The following TPPP variants were observed in gnomAD, a reference collection of about 807,000 sequenced individuals.
TPPP encodes tubulin polymerization promoting protein, also known as tubulin polymerization-promoting protein.
A neutral mutation model predicts 15.5 loss-of-function variants in TPPP; 6 were observed. The observed-to-expected ratio is 0.39, with a 90% CI of 0.21 to 0.77. The LOEUF (loss-of-function observed/expected upper bound fraction) is 0.77, where lower values mean the gene tolerates loss of function less well. Among genes scored for constraint, TPPP ranks in the 30% least tolerant of loss-of-function variants. TPPP has a pLI of 0.42. For missense variants in TPPP, 269 were observed against 307.2 expected, an observed-to-expected ratio of 0.88 and a Z score of 0.93; for synonymous variants, 146 against 133.9, an observed-to-expected ratio of 1.09 and a Z score of -0.63.
At chr5:697,038 TTGTG>T (rs1405246748), upstream of TPPP, among the ~76,000 whole-genome samples, 1 of 142,234 alleles carries the variant, frequency 7.0e-6, no homozygotes, top group Non-Finnish European at 1.6e-5. Context: ...CTGTGTGTCT[TTGTG>T]TGCATGTGTG....
upstream of TPPP, among the ~76,000 whole-genome samples, chr5:694,019 C>G (rs1740971284): frequency 2.2e-5 from 3 of 134,172 alleles, no homozygotes; most frequent in South Asian, 7.8e-4. Context: ...GCCCTTCACG[C>G]AGGAGTGGAG....
the TPPP span, among the ~76,000 whole-genome samples, chr5:698,408 A>G: frequency 6.6e-6 from 1 of 152,186 alleles, no homozygotes; most frequent in South Asian, 2.1e-4. Flanking sequence ...TATTCTACAT[A>G]GAAAACCCTG....
chr5:681,762 T>A (rs1215698856), intron 1 of TPPP, among the ~76,000 whole-genome samples: 4 of 148,572 alleles, frequency 2.7e-5, no homozygotes, highest in African/African-American at 9.9e-5. Flanking sequence ...GTTGTCCAAC[T>A]GGCATCTTCA....
chr5:670,425 A>G (rs1472661450), intron 2 of TPPP, among the ~76,000 whole-genome samples: 1 of 152,100 alleles, frequency 6.6e-6, no homozygotes, highest in East Asian at 1.9e-4. Context: ...CTCTGGGGAA[A>G]CAGCCTCTCC....
At chr5:666,982 G>A (rs1383403819) in intron 2 of TPPP, 2 of 152,200 alleles carry the variant, frequency 1.3e-5, no homozygotes, top group Non-Finnish European at 2.9e-5. Context: ...TGGACAGCGC[G>A]AGAAAGGCTG....
rs371054226 is a variant in TPPP, at chr5:667,918, C to G, written c.312-1795G>C. On this transcript the variant is annotated intron_variant, in intron 2 of 3. Coordinates refer to ENST00000360578, the MANE Select transcript of TPPP (RefSeq NM_007030.3). ...CGTGTGGGCGCCGTCAGGGAAGTAC[C>G]GACAAGCACACAGAGAGGGGGCCGT... Among the ~76,000 whole-genome samples the G allele has an allele frequency of 4.9e-3, 203 of 41,150 alleles. 14 individuals carry two copies. The highest frequency in any genetic ancestry group is 0.024 in the East Asian group (33 of 1,400). The allele number at this position is 41,150 out of a possible 152,430, so 27.0% of individuals were successfully genotyped here. A position where few individuals can be genotyped will look rare whatever the true frequency, so the allele number is the denominator to read the frequency against.
chr5:676,748 CAA>C (rs1442332125), intron 2 of TPPP: 1 of 152,236 alleles, frequency 6.6e-6, no homozygotes, highest in African/African-American at 2.4e-5. Flanking sequence ...AGAAAACAGA[CAA>C]TGCGTGACAC....
intron 2 of TPPP, among the ~76,000 whole-genome samples, chr5:674,870 C>T (rs1376203944): frequency 6.6e-6 from 1 of 150,660 alleles, no homozygotes; most frequent in Admixed American, 6.6e-5. Context: ...CCTGTGGGAG[C>T]TGCCCCTTGC....
chr5:677,529 C>T (rs900707270), intron 2 of TPPP, among the ~76,000 whole-genome samples: 3 of 152,206 alleles, frequency 2.0e-5, no homozygotes, highest in Non-Finnish European at 4.4e-5. Flanking sequence ...CCACTCAGGC[C>T]TCGGCACCGA....
At chr5:694,618 A>G (rs1443768172), upstream of TPPP, among the ~76,000 whole-genome samples, 6 of 78,442 alleles carry the variant, frequency 7.6e-5, no homozygotes, top group African/African-American at 2.1e-4. Context: ...AGTGCTGCCC[A>G]GAGATGGGCT....
In TPPP at chr5:693,320, G is replaced by C. The variant is rs1431570741; in HGVS notation, c.-47C>G. On this transcript the variant is annotated 5_prime_UTR_variant, in exon 1 of 4. Transcript: ENST00000360578. ...TGCAGCGGAGGCGCCTCCGCGACTC[G>C]GCCGCGCGCGACCCGGTGCTCAGCG... The C allele has an allele frequency of 3.3e-5, 5 of 150,354 alleles. No homozygotes were observed. The highest frequency in any genetic ancestry group is 1.3e-4 in the Admixed American group (2 of 15,028). The allele number at this position is 150,354 out of a possible 1,614,324, so 9.3% of individuals were successfully genotyped here.
chr5:676,553 C>CACATA (rs11280783), intron 2 of TPPP: 1 of 152,076 alleles, frequency 6.6e-6, no homozygotes, highest in African/African-American at 2.4e-5. Flanking sequence ...TGAAATACAT[C>CACATA]GGCCACAGGA....
chr5:685,549 AG>A (rs1170886758), intron 1 of TPPP, among the ~76,000 whole-genome samples: 1 of 152,182 alleles, frequency 6.6e-6, no homozygotes, highest in Non-Finnish European at 1.5e-5. Flanking sequence ...CCTTCCGGTA[AG>A]GGGGGCAGGG....
chr5:683,067 T>C (rs57422616), intron 1 of TPPP, among the ~76,000 whole-genome samples: 31,397 of 148,238 alleles, frequency 0.21, 7,466 homozygotes, highest in African/African-American at 0.6. Context: ...CAGGCCAGGG[T>C]GTGACCTCTG....
intron 2 of TPPP, among the ~76,000 whole-genome samples, chr5:673,943 G>A (rs1013645481): frequency 6.6e-5 from 10 of 152,242 alleles, no homozygotes; most frequent in African/African-American, 1.4e-4. Context: ...GTGTGCAGGC[G>A]TGTGTGTGCA....
rs147824661 is a variant in TPPP at position 677,883 on chromosome 5, C to T, written c.178G>A (p.Val60Met). Residue 60 changes from valine to methionine, a missense_variant, in exon 2 of 4, where the codon GTG (valine) becomes ATG (methionine). By Grantham distance (21) the Val-to-Met change is conservative (BLOSUM62 1). Coordinates refer to ENST00000360578, the MANE Select transcript of TPPP (RefSeq NM_007030.3). ...ALEEAFRRFAVHGDARATGRE... is the reference protein window; with the variant it reads ...ALEEAFRRFAMHGDARATGRE... Reference sequence around the variant, plus strand: ...CCGGTGGCCCTGGCGTCCCCGTGCACGGCAAAGCGCCGGAAGGCCTCCTCC... The same window carrying T: ...CCGGTGGCCCTGGCGTCCCCGTGCATGGCAAAGCGCCGGAAGGCCTCCTCC... 2.0e-5 allele frequency: 32 copies of T among 1,612,658 alleles called. 1 individual carries two copies. Among genetic ancestry groups the T allele is most frequent in the Middle Eastern group, 1.6e-4 (1 of 6,084 alleles).
In TPPP at chr5:665,261, C is replaced by T. The variant is rs140456348; in HGVS notation, c.501G>A (p.Thr167=). 5,107 of 1,613,612 alleles carry T rather than the reference C, an allele frequency of 3.2e-3. 157 individuals carry two copies. The Admixed American group carries it at 0.064, about 20-fold the overall frequency. The change falls in exon 4 of 4, where the codon ACG becomes ACA. Residue 167 remains threonine (T), a synonymous_variant. Coordinates refer to ENST00000360578, the MANE Select transcript of TPPP (RefSeq NM_007030.3). ...GGGAGCCCGTGAACTTGGTGGTGTCCGTGAGCCTCGACACTGTGGGCGACG... is the reference window on the plus strand; with the variant it reads ...GGGAGCCCGTGAACTTGGTGGTGTCTGTGAGCCTCGACACTGTGGGCGACG... ...AISSPTVSRL[T]DTTKFTGSHK... is the part of the protein sequence containing the mutation.
In TPPP at chr5:664,847, GGAAATGGCTGAGGACGAGGCAGGT is replaced by G; in HGVS notation, c.*231_*254del. ...TGTGGTGTGATCCGCGAGACACTTT[GGAAATGGCTGAGGACGAGGCAGGT>G]GTATTAGGAGGGTCAGCGAACTGGG... On this transcript the variant is annotated 3_prime_UTR_variant, in exon 4 of 4. Coordinates refer to ENST00000360578, the MANE Select transcript of TPPP (RefSeq NM_007030.3). The G allele has an allele frequency of 1.9e-6, 1 of 513,838 alleles. No individual in the cohort carries two copies. Among genetic ancestry groups the G allele is most frequent in the South Asian group, 2.5e-5 (1 of 39,746 alleles). 31.8% of individuals were successfully genotyped at this position (513,838 alleles called of 1,614,324 possible).
At chr5:677,560 C>A (rs552307413) in intron 2 of TPPP, among the ~76,000 whole-genome samples, 190 bp downstream of exon 2, 1 of 152,168 alleles carries the variant, frequency 6.6e-6, no homozygotes, top group Admixed American at 6.5e-5. Context: ...AATGCCCGGA[C>A]CCCTGCTCCC....
Sources: allele counts gnomAD v4.1 joint callset (sites outside exome capture counted in the v4.1 genomes callset), GRCh38; gene constraint gnomAD v4.1.1; transcripts MANE v1.5; gene names NCBI Gene and HGNC (gene_info 2026-07-23, HGNC 2026-07-21).